Variants in ACAD11 observed in about 807,000 individuals in gnomAD.
The protein encoded by ACAD11 is acyl-Coenzyme A dehydrogenase family, member 11.
Under a neutral mutation model 102.2 loss-of-function variants are expected in ACAD11, and 83 were observed. The ratio of observed to expected loss-of-function variants is 0.81; its 90% confidence interval spans 0.68 to 0.97. ACAD11 has a LOEUF of 0.97. Ranked by LOEUF, ACAD11 falls within the 50% of genes least tolerant of loss-of-function variation. ACAD11 has a pLI of 0.00. For missense variants in ACAD11, 901 were observed against 951.7 expected (o/e 0.95, Z 0.70); for synonymous variants, 324 against 319.8 (o/e 1.01, Z -0.14).
chr3:132,562,030 T>G (rs1559928701), intron 17 of ACAD11, among the ~76,000 whole-genome samples: 1 of 152,264 alleles, frequency 6.6e-6, no homozygotes, highest in African/African-American at 2.4e-5. Flanking sequence ...CTGAGTAGTA[T>G]TCCATTGTAA....
At chr3:132,583,413 T>C (rs1470930569) in intron 13 of ACAD11, among the ~76,000 whole-genome samples, 1 of 152,222 alleles carries the variant, frequency 6.6e-6, no homozygotes, top group Non-Finnish European at 1.5e-5. Context: ...TTATCATTTT[T>C]TATTGCATCT....
intron 19 of ACAD11, 34 bp downstream of exon 19, chr3:132,559,799 A>G (rs562348380): frequency 6.4e-7 from 1 of 1,567,946 alleles, no homozygotes; most frequent in Admixed American, 1.7e-5. Context: ...CACGCCTATC[A>G]AACGTAGATG....
intron 5 of ACAD11, among the ~76,000 whole-genome samples, chr3:132,638,101 G>GA (rs888413470): frequency 6.6e-6 from 1 of 152,104 alleles, no homozygotes; most frequent in Admixed American, 6.5e-5. Flanking sequence ...AAATGAAGGG[G>GA]AAAAAATGGA....
At chr3:132,572,906 A>G (rs1417213936) in intron 17 of ACAD11, among the ~76,000 whole-genome samples, 1 of 151,916 alleles carries the variant, frequency 6.6e-6, no homozygotes, top group Non-Finnish European at 1.5e-5. Context: ...TTGTCCTTTT[A>G]TTTTCCTTTC....
intron 17 of ACAD11, among the ~76,000 whole-genome samples, chr3:132,562,890 A>G (rs1273696094): frequency 1.3e-5 from 2 of 152,202 alleles, no homozygotes; most frequent in African/African-American, 2.4e-5. Context: ...CATGTTTAGG[A>G]ACATTTTACC....
intron 1 of ACAD11, chr3:132,647,079 T>C (rs116897050): frequency 1.6e-4 from 25 of 152,340 alleles, no homozygotes; most frequent in East Asian, 1.3e-3. Context: ...AATTTTTAAA[T>C]GTTACGTTAC....
intron 1 of ACAD11, among the ~76,000 whole-genome samples, chr3:132,656,211 T>G (rs1937789298): frequency 6.6e-6 from 1 of 152,254 alleles, no homozygotes; most frequent in African/African-American, 2.4e-5. Flanking sequence ...ATACTGCAAT[T>G]TATTCATCCA....
At chr3:132,598,400 C>T (rs1250238959) in intron 13 of ACAD11, among the ~76,000 whole-genome samples, 1 of 152,196 alleles carries the variant, frequency 6.6e-6, no homozygotes, top group Non-Finnish European at 1.5e-5. Flanking sequence ...TTGGCAAAAG[C>T]TTTAATTTGA....
chr3:132,635,100 A>G (rs2107873408), intron 5 of ACAD11, among the ~76,000 whole-genome samples: 1 of 151,656 alleles, frequency 6.6e-6, no homozygotes, highest in African/African-American at 2.4e-5. Flanking sequence ...AAATAAAAAA[A>G]TAAAGAAAAA....
chr3:132,591,219 A>C (rs1044706580), intron 13 of ACAD11, among the ~76,000 whole-genome samples: 6 of 152,214 alleles, frequency 3.9e-5, no homozygotes, highest in Admixed American at 3.9e-4. Context: ...AATCTTCTGC[A>C]TATGGCTAGC....
chr3:132,642,072 T>C lies in ACAD11; in HGVS notation c.437A>G (p.Tyr146Cys). 1.2e-6 allele frequency: 2 copies of C among 1,614,102 alleles called. No homozygotes were observed. The highest frequency in any genetic ancestry group is 1.1e-5 in the South Asian group (1 of 91,078). The change falls in exon 4 of 20, where the codon TAT becomes TGT. Residue 146 changes from tyrosine (Y) to cysteine (C), a missense_variant. Physicochemically the swap from Tyr to Cys is radical, Grantham distance 194. Coordinates refer to ENST00000264990, the MANE Select transcript of ACAD11 (RefSeq NM_032169.5). Reference sequence around the variant, plus strand: ...AGCCAATGTTTCTACCGTGGCCACATATATGGCTGAACGTTCTGCTGGGCT... The same window carrying C: ...AGCCAATGTTTCTACCGTGGCCACACATATGGCTGAACGTTCTGCTGGGCT... Reference protein sequence around the residue: ...GLSPAERSAIYVATVETLAQL... With the variant: ...GLSPAERSAICVATVETLAQL...
At chr3:132,624,593 A>G (rs1276761684) in intron 9 of ACAD11, among the ~76,000 whole-genome samples, 1 of 36,968 alleles carries the variant, frequency 2.7e-5, no homozygotes, top group African/African-American at 1.2e-4. Context: ...CAACAGAGCA[A>G]GACTCCATTA....
chr3:132,649,823 T>C (rs745545732), intron 1 of ACAD11: 2 of 152,142 alleles, frequency 1.3e-5, no homozygotes, highest in Non-Finnish European at 2.9e-5. Context: ...CAAAATTGAG[T>C]GAGCAATGAT....
At chr3:132,604,492 T>C (rs548120228) in intron 12 of ACAD11, among the ~76,000 whole-genome samples, 202 of 152,340 alleles carry the variant, frequency 1.3e-3, no homozygotes, top group Admixed American at 3.8e-3. Flanking sequence ...CTGGCCATTA[T>C]TGAAAGCACT....
intron 13 of ACAD11, among the ~76,000 whole-genome samples, chr3:132,594,446 T>C (rs940253597): frequency 6.6e-6 from 1 of 152,214 alleles, no homozygotes; most frequent in African/African-American, 2.4e-5. Context: ...TGCTAAACTT[T>C]ATGTCTGTGG....
chr3:132,607,715 A>G (rs1229546444), intron 11 of ACAD11, among the ~76,000 whole-genome samples: 1 of 152,230 alleles, frequency 6.6e-6, no homozygotes, highest in Non-Finnish European at 1.5e-5. Flanking sequence ...GATATTATCC[A>G]GGAGAACTTC....
At chr3:132,638,253 C>T (rs989170707) in intron 5 of ACAD11, among the ~76,000 whole-genome samples, 4 of 151,956 alleles carry the variant, frequency 2.6e-5, no homozygotes, top group African/African-American at 9.7e-5. Context: ...ATGTCAATTT[C>T]CTGGCTTTGA....
intron 5 of ACAD11, among the ~76,000 whole-genome samples, chr3:132,638,427 G>A (rs1012280684): frequency 6.6e-6 from 1 of 152,132 alleles, no homozygotes; most frequent in Non-Finnish European, 1.5e-5. Context: ...TGAATAACAT[G>A]CTTTAAGTTC....
chr3:132,562,440 G>A (rs1429414488), intron 17 of ACAD11, among the ~76,000 whole-genome samples: 1 of 152,190 alleles, frequency 6.6e-6, no homozygotes, highest in African/African-American at 2.4e-5. Context: ...GGGTTTTTGT[G>A]TGGACATGTT....
Sources: allele counts gnomAD v4.1 joint callset (sites outside exome capture counted in the v4.1 genomes callset), GRCh38; gene constraint gnomAD v4.1.1; transcripts MANE v1.5; gene names NCBI Gene and HGNC (gene_info 2026-07-23, HGNC 2026-07-21).